MAD1L1: variants seen among roughly 807,000 people sequenced by gnomAD.
MAD1L1 encodes mitotic spindle assembly checkpoint protein MAD1.
Under a neutral mutation model 96.9 loss-of-function variants are expected in MAD1L1, and 95 were observed. The ratio of observed to expected loss-of-function variants is 0.98; its 90% CI spans 0.83 to 1.16. The LOEUF (loss-of-function observed/expected upper bound fraction) is 1.16. Ranked by LOEUF, MAD1L1 falls within the 50% of genes most tolerant of loss-of-function variation. The pLI, the probability that MAD1L1 is intolerant of heterozygous loss-of-function variation, is 0.00. For synonymous variants in MAD1L1, 473 were observed against 396.6 expected (o/e 1.19, Z -2.29); for missense variants, 1,007 against 954.4 (o/e 1.06, Z -0.73).
intron 11 of MAD1L1, among the ~76,000 whole-genome samples, chr7:2,070,929 G>C (rs1236132920): frequency 6.6e-6 from 1 of 152,138 alleles, no homozygotes; most frequent in East Asian, 1.9e-4. Flanking sequence ...AGTGGTTTGG[G>C]GAAGGGAAAG....
intron 10 of MAD1L1, among the ~76,000 whole-genome samples, chr7:2,153,006 G>C (rs1249542244): frequency 6.6e-6 from 1 of 152,166 alleles, no homozygotes; most frequent in African/African-American, 2.4e-5. Context: ...TCAATCAAAA[G>C]AAAATGTGTT....
intron 18 of MAD1L1, among the ~76,000 whole-genome samples, chr7:1,867,189 G>T (rs756089269): frequency 6.6e-6 from 1 of 152,206 alleles, no homozygotes; most frequent in Admixed American, 6.5e-5. Flanking sequence ...CATGGGCACC[G>T]TAGGCCTCCC....
chr7:1,966,497 C>T (rs1049435333), intron 15 of MAD1L1, among the ~76,000 whole-genome samples: 1 of 121,452 alleles, frequency 8.2e-6, no homozygotes, highest in Non-Finnish European at 1.6e-5. Context: ...AGCAAATTCA[C>T]AGAAAAGTGA....
At chr7:1,908,510 T>C (rs897414533) in intron 17 of MAD1L1, among the ~76,000 whole-genome samples, 16 of 152,134 alleles carry the variant, frequency 1.1e-4, no homozygotes, top group African/African-American at 3.6e-4. Context: ...GCTTCCCAAG[T>C]AGCTGGGACC....
chr7:1,867,917 G>C (rs945088879), intron 18 of MAD1L1, among the ~76,000 whole-genome samples: 1 of 152,250 alleles, frequency 6.6e-6, no homozygotes, highest in Non-Finnish European at 1.5e-5. Flanking sequence ...AATTAGAGCA[G>C]TGTCTGTGCT....
chr7:2,159,209 C>T (rs1481107837), intron 10 of MAD1L1, among the ~76,000 whole-genome samples: 1 of 152,256 alleles, frequency 6.6e-6, no homozygotes, highest in Non-Finnish European at 1.5e-5. Context: ...CAGGGAGCAA[C>T]CACTTTCCTA....
At chr7:2,093,660 G>GAA (rs1248552018) in intron 11 of MAD1L1, among the ~76,000 whole-genome samples, 5 of 152,196 alleles carry the variant, frequency 3.3e-5, no homozygotes, top group Admixed American at 6.5e-5. Flanking sequence ...CACAGAATGT[G>GAA]GGGAAAGCAG....
intron 12 of MAD1L1, among the ~76,000 whole-genome samples, chr7:2,017,938 G>A (rs1323526956): frequency 1.3e-5 from 2 of 152,140 alleles, no homozygotes; most frequent in East Asian, 3.9e-4. Flanking sequence ...GAAGGGCAGG[G>A]GAGATCAGAG....
intron 10 of MAD1L1, among the ~76,000 whole-genome samples, chr7:2,174,840 C>G (rs1790871810): frequency 6.6e-6 from 1 of 152,176 alleles, no homozygotes; most frequent in African/African-American, 2.4e-5. Context: ...TCCATTTCCT[C>G]TACACTGTTT....
At chr7:2,206,177 C>T (rs955645473) in intron 10 of MAD1L1, among the ~76,000 whole-genome samples, 5 of 152,148 alleles carry the variant, frequency 3.3e-5, no homozygotes, top group Non-Finnish European at 7.4e-5. Context: ...AGTCTTTTGA[C>T]CATTTTTTAA....
intron 18 of MAD1L1, among the ~76,000 whole-genome samples, chr7:1,822,667 T>C (rs1212303629): frequency 1.3e-5 from 2 of 151,752 alleles, no homozygotes; most frequent in South Asian, 4.2e-4. Flanking sequence ...CAAGCGATCC[T>C]TTTGCCTTGG....
chr7:2,232,902 C>A lies in MAD1L1; in HGVS notation c.-220G>T, dbSNP rs371582515. 4 of 152,396 alleles carry A rather than the reference C, an allele frequency of 2.6e-5. No individual in the cohort carries two copies. The East Asian group carries it at 7.8e-4, about 30-fold the overall frequency. The allele number at this position is 152,396 out of a possible 1,614,324, so 9.4% of individuals were successfully genotyped here. A position where few individuals can be genotyped will look rare whatever the true frequency, so the allele number is the denominator to read the frequency against. ...CCGCTCGCAGCCAGCTTGCCGCCGCCGCTCGGATCTCCCTCCGCTCCGCCG... is the reference window on the plus strand; with the variant it reads ...CCGCTCGCAGCCAGCTTGCCGCCGCAGCTCGGATCTCCCTCCGCTCCGCCG... On this transcript the variant is annotated 5_prime_UTR_variant, in exon 1 of 19. Transcript: ENST00000265854.
chr7:1,845,590 G>A (rs1168815414), intron 18 of MAD1L1: 28 of 125,844 alleles, frequency 2.2e-4, no homozygotes, highest in African/African-American at 7.6e-4. Flanking sequence ...GGAGACGGAC[G>A]TGCTCCACGC....
At chr7:1,836,611 T>C (rs192108687) in intron 18 of MAD1L1, among the ~76,000 whole-genome samples, 1 of 152,304 alleles carries the variant, frequency 6.6e-6, no homozygotes, top group African/African-American at 2.4e-5. Context: ...AGATTAGAAG[T>C]TTCCATATTG....
intron 12 of MAD1L1, among the ~76,000 whole-genome samples, chr7:2,033,418 G>GA (rs1783323035): frequency 6.6e-6 from 1 of 152,248 alleles, no homozygotes; most frequent in Admixed American, 6.5e-5. Context: ...GAATGACAGA[G>GA]AAAGACCAGC....
intron 11 of MAD1L1, among the ~76,000 whole-genome samples, chr7:2,108,924 T>C (rs1476990852): frequency 6.6e-6 from 1 of 152,198 alleles, no homozygotes; most frequent in Non-Finnish European, 1.5e-5. Context: ...CCTGGGGAAG[T>C]GCAGGGCCCC....
intron 10 of MAD1L1, among the ~76,000 whole-genome samples, chr7:2,196,149 C>G (rs891520534): frequency 1.3e-5 from 2 of 152,248 alleles, no homozygotes; most frequent in Admixed American, 1.3e-4. Flanking sequence ...GGCCAGTCAG[C>G]CCCTCCCAGA....
chr7:1,948,978 C>A (rs986857410), intron 16 of MAD1L1, among the ~76,000 whole-genome samples: 1 of 152,178 alleles, frequency 6.6e-6, no homozygotes, highest in African/African-American at 2.4e-5. Flanking sequence ...GGGGCTGGGC[C>A]CGACACACAC....
At chr7:1,885,209 C>T (rs963673979) in intron 18 of MAD1L1, among the ~76,000 whole-genome samples, 12 of 152,190 alleles carry the variant, frequency 7.9e-5, no homozygotes, top group African/African-American at 2.9e-4. Context: ...CGCCCCCACA[C>T]ACAGACACTA....
Sources: gnomAD v4.1 joint callset for allele counts (sites outside exome capture counted in the v4.1 genomes callset) on GRCh38, gnomAD v4.1.1 for gene constraint, MANE v1.5 for transcripts, NCBI Gene and HGNC (gene_info 2026-07-23, HGNC 2026-07-21) for gene names.